COL3A1: variants seen among roughly 807,000 people sequenced by gnomAD.
COL3A1 encodes the protein collagen type III alpha 1 chain.
COL3A1 carries 46 observed loss-of-function variants against 200.9 expected under a neutral mutation model. The observed-to-expected ratio is 0.23, with a 90% CI of 0.18 to 0.29. The LOEUF (loss-of-function observed/expected upper bound fraction) is 0.29, where lower values mean the gene tolerates loss of function less well. Among genes scored for constraint, COL3A1 ranks in the 10% least tolerant of loss-of-function variants. The pLI, the probability that COL3A1 is intolerant of heterozygous loss-of-function variation, is 1.00. For missense variants in COL3A1, 1,367 were observed against 1,917.6 expected (o/e 0.71, Z 5.36); for synonymous variants, 650 against 628.0 (o/e 1.03, Z -0.52).
intron 44 of COL3A1, among the ~76,000 whole-genome samples, chr2:189,007,269 G>A (rs1339915311): frequency 6.6e-6 from 1 of 151,030 alleles, no homozygotes; most frequent in Non-Finnish European, 1.5e-5. Flanking sequence ...GGATCTAAAA[G>A]TTCTTTGGAG....
intron 31 of COL3A1, 120 bp from the exon 32 acceptor site, chr2:188,999,722 A>G: frequency 7.3e-7 from 1 of 1,361,706 alleles, no homozygotes; most frequent in East Asian, 2.5e-5. Flanking sequence ...GGATTCCTAA[A>G]GCAACAATGA....
intron 1 of COL3A1, among the ~76,000 whole-genome samples, chr2:188,977,224 G>A (rs1687840025): frequency 6.6e-6 from 1 of 152,050 alleles, no homozygotes; most frequent in African/African-American, 2.4e-5. Flanking sequence ...ATAGACAGCT[G>A]TTACTAAGTA....
At chr2:188,999,432 T>C (rs1688404019) in intron 30 of COL3A1, 38 bp from the exon 31 acceptor site, 1 of 1,613,830 alleles carries the variant, frequency 6.2e-7, no homozygotes, top group South Asian at 1.1e-5. Context: ...TGCATTTGAT[T>C]TCCTTCTGAT....
intron 21 of COL3A1, 82 bp from the exon 22 acceptor site, chr2:188,995,610 C>A: frequency 1.1e-6 from 1 of 916,558 alleles, no homozygotes; most frequent in Non-Finnish European, 1.7e-6. Context: ...AAATGACGTC[C>A]TCTCTTTGTA....
chr2:188,998,763 G>A (rs1262678376), intron 29 of COL3A1, 45 bp downstream of exon 29: 4 of 1,557,990 alleles, frequency 2.6e-6, no homozygotes, highest in Non-Finnish European at 2.7e-6. Flanking sequence ...AGGTTATAGA[G>A]CAATTGATTA....
chr2:188,995,507 G>T, intron 21 of COL3A1, 185 bp from the exon 22 acceptor site: 1 of 578,518 alleles, frequency 1.7e-6, no homozygotes, highest in Non-Finnish European at 3.1e-6. Context: ...TCACAAAGTT[G>T]CTTTAAAATT....
intron 1 of COL3A1, among the ~76,000 whole-genome samples, 176 bp downstream of exon 1, chr2:188,974,744 A>G (rs370224618): frequency 1.1e-3 from 166 of 152,320 alleles, no homozygotes; most frequent in African/African-American, 3.8e-3. Context: ...TTGAAAAATA[A>G]TCGCGTTATG....
At chr2:188,985,576 A>T in intron 3 of COL3A1, 89 bp from the exon 4 acceptor site, 1 of 820,028 alleles carries the variant, frequency 1.2e-6, no homozygotes, top group East Asian at 2.7e-5. Context: ...TTGTTTCCTA[A>T]TATTATAAAG....
intron 41 of COL3A1, 43 bp from the exon 42 acceptor site, chr2:189,006,163 A>G (rs759612791): frequency 6.2e-7 from 1 of 1,601,444 alleles, no homozygotes. Context: ...TGGCATTTGG[A>G]AGGTTTCAAG....
At chr2:188,983,095 T>C (rs952403493) in intron 1 of COL3A1, among the ~76,000 whole-genome samples, 2 of 151,942 alleles carry the variant, frequency 1.3e-5, no homozygotes, top group Non-Finnish European at 2.9e-5. Context: ...TTATATTCAC[T>C]AAGAATTAAG....
In COL3A1 at chr2:189,010,909, A is replaced by G. The variant is rs1688709939; in HGVS notation, c.4254+19A>G. On this transcript the variant is annotated intron_variant, in intron 50 of 50. Transcript: ENST00000304636. ...TTGCACGGTAGGAAACATTTTTCTC[A>G]ATATAGGTCATAAAGCAGTCAGCAT... The G allele has an allele frequency of 1.2e-6, 2 of 1,613,758 alleles. No homozygotes were observed. Among genetic ancestry groups the G allele is most frequent in the Admixed American group, 1.7e-5 (1 of 60,000 alleles).
chr2:188,998,987 T>G (rs969310065), intron 29 of COL3A1, among the ~76,000 whole-genome samples: 1 of 152,238 alleles, frequency 6.6e-6, no homozygotes, highest in African/African-American at 2.4e-5. Flanking sequence ...AATATGTTGA[T>G]TCTATGTAGG....
rs1460396340 is a variant in COL3A1, at chr2:189,003,003, G to A, written c.2494G>A (p.Glu832Lys). 6.4e-7 allele frequency: 1 copy of A among 1,551,806 alleles called. No individual in the cohort carries two copies. Among genetic ancestry groups the A allele is most frequent in the Non-Finnish European group, 8.7e-7 (1 of 1,147,056 alleles). ...GGKGERGAPG[E>K]KGEGGPPGVA... ...TAAAGGAGAAAGAGGGGCTCCGGGT[G>A]AGAAAGGTGAAGGAGGCCCTCCTGG... The change falls in exon 36 of 51, where the codon GAG becomes AAG. Residue 832 changes from glutamate (E) to lysine (K), a missense_variant. Physicochemically the swap from Glu to Lys is moderately conservative, Grantham distance 56 (BLOSUM62 1). This residue lies in a region of COL3A1 where 846 missense variants were observed against 1,147.9 expected (regional missense o/e 0.74). Transcript: ENST00000304636.
intron 1 of COL3A1, 21 bp from the exon 2 acceptor site, chr2:188,984,738 CG>C (rs1559052540): frequency 1.2e-6 from 2 of 1,609,032 alleles, no homozygotes; most frequent in Non-Finnish European, 1.7e-6. Context: ...GGAAACTTCA[CG>C]TCATCTAACT....
chr2:188,985,407 T>G lies in COL3A1; in HGVS notation c.333+160T>G, dbSNP rs541704339. On this transcript the variant is annotated intron_variant, in intron 3 of 50. Transcript: ENST00000304636. ...GACTGAGAATCCATAATTGTACGTG[T>G]AAAGATTTCAATTTCCCAAACTTCA... Among the ~76,000 whole-genome samples, 7 of 152,134 alleles carry G rather than the reference T, an allele frequency of 4.6e-5. 1 individual carries two copies. The South Asian group carries it at 1.2e-3, about 27-fold the overall frequency.
At chr2:188,978,026 TC>T (rs1687860162) in intron 1 of COL3A1, 1 of 379,032 alleles carries the variant, frequency 2.6e-6, no homozygotes, top group South Asian at 2.0e-5. Flanking sequence ...GAGCTTTTTT[TC>T]TAGGGAAAGA....
Position 188,992,878 on chromosome 2 carries a change from T to C in COL3A1, c.997-9T>C. On this transcript the variant is annotated splice_polypyrimidine_tract_variant and intron_variant, in intron 14 of 50. Coordinates refer to ENST00000304636, the MANE Select transcript of COL3A1 (RefSeq NM_000090.4). ...AAAGAGCTCTTGAAATTGTATTTAA[T>C]TTTTTCAGGGCCCTCCTGGTCCTCC... 1 of 1,613,804 alleles carries C rather than the reference T, an allele frequency of 6.2e-7. No individual in the cohort carries two copies.
At chr2:188,974,803 T>G (rs1352510570) in intron 1 of COL3A1, among the ~76,000 whole-genome samples, 4 of 152,198 alleles carry the variant, frequency 2.6e-5, no homozygotes, top group Non-Finnish European at 5.9e-5. Flanking sequence ...TTGTACTAAC[T>G]TGTTTTCATG....
In COL3A1 at chr2:188,990,077, T is replaced by C; in HGVS notation, c.691-19T>C. The C allele has an allele frequency of 1.2e-6, 2 of 1,611,810 alleles. No homozygotes were observed. The highest frequency in any genetic ancestry group is 1.7e-6 in the Non-Finnish European group (2 of 1,178,018). On this transcript the variant is annotated intron_variant, in intron 8 of 50. Transcript: ENST00000304636. ...TTCTCATACATGAGCACCTACGTAT[T>C]CTTTATTTCTCTACCTAGGGAGAAT...
Sources: gnomAD v4.1 joint callset for allele counts (sites outside exome capture counted in the v4.1 genomes callset) on GRCh38, gnomAD v4.1.1 for gene constraint, gnomAD v4.1.1 regional missense constraint, MANE v1.5 for transcripts, NCBI Gene and HGNC (gene_info 2026-07-23, HGNC 2026-07-21) for gene names.